The following CASP6 variants were observed in gnomAD, a reference collection of about 807,000 sequenced individuals.
CASP6 encodes the protein caspase 6, also known as caspase-6.
CASP6 carries 20 observed loss-of-function variants against 31.8 expected under a neutral mutation model. The observed-to-expected ratio is 0.63, with a 90% CI of 0.44 to 0.91. The LOEUF (loss-of-function observed/expected upper bound fraction) is 0.91. Ranked by LOEUF, CASP6 falls within the 40% of genes least tolerant of loss-of-function variation. CASP6 has a pLI of 0.00. For missense variants in CASP6, 328 were observed against 361.1 expected, an observed-to-expected ratio of 0.91 and a Z score of 0.74; for synonymous variants, 130 against 127.8, an observed-to-expected ratio of 1.02 and a Z score of -0.12.
At chr4:109,703,641 G>T (rs193061231), upstream of CASP6, 49 of 562,876 alleles carry the variant, frequency 8.7e-5, no homozygotes, top group African/African-American at 9.2e-4. Flanking sequence ...GGAGAGGTAC[G>T]CGGTCTTCGC....
chr4:109,686,938 TAAAAA>T (rs1368265119), downstream of CASP6, among the ~76,000 whole-genome samples: 2 of 151,314 alleles, frequency 1.3e-5, no homozygotes, highest in Non-Finnish European at 2.9e-5. Flanking sequence ...AAAGTGGAGA[TAAAAA>T]GATAAAGTGG....
chr4:109,670,396 T>C, the CASP6 span, among the ~76,000 whole-genome samples: 1 of 151,914 alleles, frequency 6.6e-6, no homozygotes, highest in Non-Finnish European at 1.5e-5. Context: ...GGGAAAATAA[T>C]TTACCTTGTG....
the CASP6 span, chr4:109,682,516 G>A: frequency 7.4e-6 from 10 of 1,357,930 alleles, no homozygotes; most frequent in Non-Finnish European, 1.0e-5. Context: ...ATTGGGGACC[G>A]AAAGATTTAC....
intron 4 of CASP6, among the ~76,000 whole-genome samples, chr4:109,696,205 T>C (rs1730234470): frequency 6.6e-6 from 1 of 152,184 alleles, no homozygotes; most frequent in African/African-American, 2.4e-5. Context: ...ATGCTAAATA[T>C]AAACTTTAGA....
At chr4:109,699,405 C>A (rs575904959) in intron 1 of CASP6, among the ~76,000 whole-genome samples, 1 of 151,992 alleles carries the variant, frequency 6.6e-6, no homozygotes, top group East Asian at 1.9e-4. Context: ...CTCACTTCTC[C>A]TCAAAAAAAA....
the CASP6 span, chr4:109,682,983 G>C: frequency 2.7e-6 from 1 of 371,424 alleles, no homozygotes; most frequent in Non-Finnish European, 4.9e-6. Flanking sequence ...CCTGTGTTCA[G>C]AGCTGCCATC....
At chr4:109,697,878 C>T in intron 2 of CASP6, 110 bp from the exon 3 acceptor site, 1 of 1,227,692 alleles carries the variant, frequency 8.1e-7, no homozygotes, top group Non-Finnish European at 1.1e-6. Flanking sequence ...CCTTGCCAGG[C>T]TGATGTTCCA....
At chr4:109,668,595 GCT>G in the CASP6 span, among the ~76,000 whole-genome samples, 4 of 152,024 alleles carry the variant, frequency 2.6e-5, no homozygotes, top group South Asian at 4.1e-4. Flanking sequence ...ACTCTGACAA[GCT>G]CTATCTTTTG....
chr4:109,708,696 T>G, the CASP6 span, among the ~76,000 whole-genome samples: 2 of 152,240 alleles, frequency 1.3e-5, no homozygotes, highest in East Asian at 3.8e-4. Context: ...TCATTTTTTC[T>G]CCATAAGTAT....
At chr4:109,706,811 G>C (rs1165616865), upstream of CASP6, among the ~76,000 whole-genome samples, 1 of 152,224 alleles carries the variant, frequency 6.6e-6, no homozygotes, top group Non-Finnish European at 1.5e-5. Flanking sequence ...AGGAGGCTGA[G>C]GCACAAGAAT....
At chr4:109,687,795 C>A (rs147996427), downstream of CASP6, 3 of 546,076 alleles carry the variant, frequency 5.5e-6, no homozygotes, top group Non-Finnish European at 9.6e-6. Flanking sequence ...GGCTTGTATG[C>A]GTCTATCAAA....
At chr4:109,702,248 G>C (rs2126161797) in intron 1 of CASP6, among the ~76,000 whole-genome samples, 1 of 152,180 alleles carries the variant, frequency 6.6e-6, no homozygotes, top group Admixed American at 6.5e-5. Flanking sequence ...CTTGCCTCTG[G>C]AGCACCATTT....
At chr4:109,669,530 T>G in the CASP6 span, among the ~76,000 whole-genome samples, 3 of 152,168 alleles carry the variant, frequency 2.0e-5, no homozygotes, top group East Asian at 3.8e-4. Context: ...TTGTGTTCTC[T>G]GAGCTTCCTG....
chr4:109,666,305 G>A, the CASP6 span, among the ~76,000 whole-genome samples: 1 of 152,172 alleles, frequency 6.6e-6, no homozygotes, highest in Non-Finnish European at 1.5e-5. Context: ...CAAATCATTT[G>A]GTTAAATACC....
the CASP6 span, among the ~76,000 whole-genome samples, chr4:109,665,895 A>C: frequency 3.9e-5 from 6 of 151,966 alleles, no homozygotes; most frequent in African/African-American, 1.2e-4. Flanking sequence ...GAAAGGGGGT[A>C]CAACAGGGAA....
At position 109,694,805 on chromosome 4, in the gene CASP6, T is replaced by C. The variant is rs1007694551; in HGVS notation, c.308-105A>G. ...CAAGAATAAAGTTACATCCACATGA[T>C]TGGGGAGGAGGAAAATTTGTGGTTT... On this transcript the variant is annotated intron_variant, in intron 4 of 6. Transcript: ENST00000265164. 32 of 1,111,358 alleles carry C rather than the reference T, an allele frequency of 2.9e-5. No individual in the cohort carries two copies. The East Asian group carries it at 7.0e-4, about 24-fold the overall frequency. The allele number at this position is 1,111,358 out of a possible 1,614,324, so 68.8% of individuals were successfully genotyped here. A position where few individuals can be genotyped will look rare whatever the true frequency, so the allele number is the denominator to read the frequency against.
chr4:109,691,125 G>A, intron 5 of CASP6, 116 bp from the exon 6 acceptor site: 1 of 1,119,420 alleles, frequency 8.9e-7, no homozygotes, highest in Non-Finnish European at 1.2e-6. Context: ...ACCACATTCT[G>A]AGCAGTTCAG....
intron 1 of CASP6, among the ~76,000 whole-genome samples, chr4:109,703,072 G>A (rs1285993818): frequency 6.6e-6 from 1 of 152,206 alleles, no homozygotes; most frequent in East Asian, 1.9e-4. Context: ...TCGCCCCGGA[G>A]GACAAAGGCG....
chr4:109,700,616 T>C (rs1197086853), intron 1 of CASP6, among the ~76,000 whole-genome samples: 1 of 152,142 alleles, frequency 6.6e-6, no homozygotes, highest in Non-Finnish European at 1.5e-5. Context: ...TTGTTGTTGT[T>C]TGTTAATGCT....
Sources: gnomAD v4.1 joint callset for allele counts (sites outside exome capture counted in the v4.1 genomes callset) on GRCh38, gnomAD v4.1.1 for gene constraint, MANE v1.5 for transcripts, NCBI Gene and HGNC (gene_info 2026-07-23, HGNC 2026-07-21) for gene names.